The following FBLN5 variants were observed in gnomAD, a reference collection of about 807,000 sequenced individuals.
FBLN5 encodes fibulin-5.
Under a neutral mutation model 61.6 loss-of-function variants are expected in FBLN5, and 24 were observed. The ratio of observed to expected loss-of-function variants is 0.39; its 90% CI spans 0.28 to 0.55. The LOEUF (loss-of-function observed/expected upper bound fraction) is 0.55. Ranked by LOEUF, FBLN5 falls within the 20% of genes least tolerant of loss-of-function variation. FBLN5 has a pLI of 0.65. For synonymous variants in FBLN5, 213 were observed against 219.8 expected, an observed-to-expected ratio of 0.97 and a Z score of 0.27; for missense variants, 470 against 594.1, an observed-to-expected ratio of 0.79 and a Z score of 2.17.
At chr14:91,875,720 G>A (rs539898549) in intron 10 of FBLN5, among the ~76,000 whole-genome samples, 119 of 152,298 alleles carry the variant, frequency 7.8e-4, no homozygotes, top group African/African-American at 2.8e-3. Flanking sequence ...TACCATTACC[G>A]GGAGGGTGAC....
intron 1 of FBLN5, among the ~76,000 whole-genome samples, chr14:91,946,395 G>A (rs1191226434): frequency 6.6e-6 from 1 of 152,042 alleles, no homozygotes; most frequent in African/African-American, 2.4e-5. Context: ...AGGTGGGTTC[G>A]CCGGTGTTGT....
intron 6 of FBLN5, among the ~76,000 whole-genome samples, chr14:91,887,614 G>T (rs957717805): frequency 6.6e-6 from 1 of 151,932 alleles, no homozygotes; most frequent in African/African-American, 2.4e-5. Flanking sequence ...ATGCTCCAAC[G>T]CACCCCCCCA....
chr14:91,898,951 A>G (rs1293403536), intron 4 of FBLN5, among the ~76,000 whole-genome samples: 2 of 151,756 alleles, frequency 1.3e-5, no homozygotes, highest in African/African-American at 2.4e-5. Context: ...ACAGGTGCCC[A>G]CCACCACGCC....
At chr14:91,870,792 A>T (rs1287396491) in intron 10 of FBLN5, among the ~76,000 whole-genome samples, 1 of 152,136 alleles carries the variant, frequency 6.6e-6, no homozygotes, top group African/African-American at 2.4e-5. Flanking sequence ...GCTTTTCACC[A>T]CTGAGTCCCC....
At chr14:91,923,998 T>C (rs1011047436) in intron 4 of FBLN5, among the ~76,000 whole-genome samples, 4 of 152,222 alleles carry the variant, frequency 2.6e-5, no homozygotes, top group Non-Finnish European at 5.9e-5. Flanking sequence ...GGTTTCATAT[T>C]TCCTGCCAAA....
At chr14:91,871,812 G>C (rs188429474) in intron 10 of FBLN5, among the ~76,000 whole-genome samples, 2 of 150,356 alleles carry the variant, frequency 1.3e-5, no homozygotes, top group Admixed American at 1.3e-4. Flanking sequence ...AATAGAGATC[G>C]CACCACTATA....
chr14:91,885,552 C>T (rs1236356848), intron 7 of FBLN5, among the ~76,000 whole-genome samples: 1 of 152,124 alleles, frequency 6.6e-6, no homozygotes, highest in South Asian at 2.1e-4. Context: ...CTGGGCCACC[C>T]TCTGGGCCGT....
intron 4 of FBLN5, among the ~76,000 whole-genome samples, chr14:91,920,929 C>G (rs944516121): frequency 2.0e-5 from 3 of 152,240 alleles, no homozygotes; most frequent in Non-Finnish European, 2.9e-5. Flanking sequence ...TAAAACCCAA[C>G]TCCAATCTGG....
chr14:91,943,236 C>T lies in FBLN5; in HGVS notation c.18-275G>A, dbSNP rs189432678. 1.9e-3 allele frequency among the ~76,000 whole-genome samples: 295 copies of T among 152,086 alleles called. 2 individuals carry two copies. The highest frequency in any genetic ancestry group is 0.012 in the South Asian group (58 of 4,818). On this transcript the variant is annotated intron_variant, in intron 1 of 10. Coordinates refer to ENST00000342058, the MANE Select transcript of FBLN5 (RefSeq NM_006329.4). This position sits in a 1 kb window ranked among gnomAD's most constrained non-coding sequence, Gnocchi z 4.0. The stretch of plus-strand genomic sequence containing the variant: ...CAAAAAAAAAAGCTAAGGTCAGGTG[C>T]GGTGGCTTACGCTTGTAATCCCAGC...
In FBLN5 at chr14:91,943,002, T is replaced by C; in HGVS notation, c.18-41A>G. ...GTCAAATATAAATGCCCAAGACAGA[T>C]TCAGGTCTAGGGGAGTGTGGGTCGC... On this transcript the variant is annotated intron_variant, in intron 1 of 10. Coordinates refer to ENST00000342058, the MANE Select transcript of FBLN5 (RefSeq NM_006329.4). The surrounding 1 kb of genome is among the most constrained non-coding windows in gnomAD (Gnocchi z 4.0). 2 of 1,375,424 alleles carry C rather than the reference T, an allele frequency of 1.5e-6. No individual in the cohort carries two copies. Among genetic ancestry groups the C allele is most frequent in the Non-Finnish European group, 2.0e-6 (2 of 985,214 alleles). 85.2% of individuals were successfully genotyped at this position (1,375,424 alleles called of 1,614,324 possible). A position where few individuals can be genotyped will look rare whatever the true frequency, so the allele number is the denominator to read the frequency against.
At position 91,889,951 on chromosome 14, in the gene FBLN5, T is replaced by A. The variant is rs1595304113; in HGVS notation, c.619+1270A>T. 2.0e-5 allele frequency among the ~76,000 whole-genome samples: 3 copies of A among 152,236 alleles called. No individual in the cohort carries two copies. The East Asian group carries it at 5.8e-4, about 29-fold the overall frequency. ...GTACTGGGGGCACGGTGCCAGCCTG[T>A]GGCTGGCACCTCCAATCCCAGGCCT... is the stretch of plus-strand genomic sequence containing the variant. On this transcript the variant is annotated intron_variant, in intron 6 of 10. Transcript: ENST00000342058.
At chr14:91,918,435 G>A (rs917129710) in intron 4 of FBLN5, among the ~76,000 whole-genome samples, 5 of 152,178 alleles carry the variant, frequency 3.3e-5, no homozygotes, top group African/African-American at 1.2e-4. Context: ...TATCCATAGA[G>A]CTGAGCCAAA....
intron 4 of FBLN5, among the ~76,000 whole-genome samples, chr14:91,910,028 G>A (rs2498827): frequency 0.56 from 85,249 of 152,006 alleles, 24,343 homozygotes; most frequent in Middle Eastern, 0.7. Context: ...CTGGATATAC[G>A]TACAAAATAA....
chr14:91,882,263 A>C lies in FBLN5; in HGVS notation c.862+691T>G, dbSNP rs1414241160. On this transcript the variant is annotated intron_variant, in intron 8 of 10. Coordinates refer to ENST00000342058, the MANE Select transcript of FBLN5 (RefSeq NM_006329.4). The surrounding 1 kb of genome is among the most constrained non-coding windows in gnomAD (Gnocchi z 4.9). ...TAATAGAAAATGTAAAATTACATAG[A>C]TGGCTCACATCTGTAGCTCACATGA... Among the ~76,000 whole-genome samples, 1 of 152,242 alleles carries C rather than the reference A, an allele frequency of 6.6e-6. No homozygotes were observed. The highest frequency in any genetic ancestry group is 1.5e-5 in the Non-Finnish European group (1 of 68,032).
chr14:91,926,682 C>T (rs8012648), intron 4 of FBLN5, among the ~76,000 whole-genome samples: 44,485 of 151,870 alleles, frequency 0.29, 7,209 homozygotes, highest in Middle Eastern at 0.47. Context: ...GCACCTGCCA[C>T]GTGTCTGACC....
At position 91,935,912 on chromosome 14, in the gene FBLN5, G is replaced by A. The variant is rs572219199; in HGVS notation, c.379+1035C>T. ...ACGCCAACACACACAGAGACCACAC[G>A]CCTTGAGACCAGCGAAAATGCAGAA... On this transcript the variant is annotated intron_variant, in intron 4 of 10. Coordinates refer to ENST00000342058, the MANE Select transcript of FBLN5 (RefSeq NM_006329.4). 6.5e-4 allele frequency among the ~76,000 whole-genome samples: 99 copies of A among 152,210 alleles called. 1 individual carries two copies. The highest frequency in any genetic ancestry group is 6.2e-4 in the South Asian group (3 of 4,812).
rs1033747956 is a variant in FBLN5 at position 91,947,305 on chromosome 14, C to A, written c.-76G>T. The A allele has an allele frequency of 1.9e-6, 3 of 1,569,940 alleles. No homozygotes were observed. Among genetic ancestry groups the A allele is most frequent in the East Asian group, 2.2e-5 (1 of 44,612 alleles). On this transcript the variant is annotated 5_prime_UTR_variant, in exon 1 of 11. Transcript: ENST00000342058. This position sits in a 1 kb window ranked among gnomAD's most constrained non-coding sequence, Gnocchi z 4.3. ...CGGGACCCCCGGAGGAGCTCGGGCACGTCGGCCTCCTCTGGGCCCTCGGGG... is the reference window on the plus strand; with the variant it reads ...CGGGACCCCCGGAGGAGCTCGGGCAAGTCGGCCTCCTCTGGGCCCTCGGGG...
At chr14:91,881,541 T>C (rs1889469956) in intron 8 of FBLN5, 123 bp from the exon 9 acceptor site, 1 of 1,048,380 alleles carries the variant, frequency 9.5e-7, no homozygotes, top group Admixed American at 1.7e-5. Context: ...CAACAGGCCA[T>C]ATGTGGCTAC....
chr14:91,895,548 C>T (rs1010724416), intron 4 of FBLN5, among the ~76,000 whole-genome samples: 8 of 152,008 alleles, frequency 5.3e-5, no homozygotes, highest in African/African-American at 1.9e-4. Flanking sequence ...CCTGTAATCC[C>T]AGCACTTTGG....
Sources: allele counts gnomAD v4.1 joint callset (sites outside exome capture counted in the v4.1 genomes callset), GRCh38; gene constraint gnomAD v4.1.1; non-coding constraint Gnocchi (gnomAD v3.1); transcripts MANE v1.5; gene names NCBI Gene and HGNC (gene_info 2026-07-23, HGNC 2026-07-21).